RNF144A: variants seen among roughly 807,000 people sequenced by gnomAD.
RNF144A encodes E3 ubiquitin-protein ligase RNF144A.
In RNF144A, 11 loss-of-function variants were observed where a neutral mutation model predicts 38.7. That is an observed-to-expected ratio of 0.28 (90% CI 0.18 to 0.47). The LOEUF (loss-of-function observed/expected upper bound fraction) is 0.47. RNF144A is among the 20% of genes least tolerant of loss of function. RNF144A has a pLI of 0.99. For missense variants in RNF144A, 316 were observed against 377.2 expected (o/e 0.84, Z 1.34); for synonymous variants, 149 against 143.9 (o/e 1.04, Z -0.25).
intron 6 of RNF144A, among the ~76,000 whole-genome samples, chr2:7,051,456 C>T (rs753845136): frequency 2.6e-5 from 4 of 152,132 alleles, no homozygotes; most frequent in African/African-American, 9.7e-5. Context: ...GCCTACGCCA[C>T]GGTAGCTGCA....
chr2:6,971,747 C>T (rs539036535), intron 2 of RNF144A, among the ~76,000 whole-genome samples: 1 of 151,286 alleles, frequency 6.6e-6, no homozygotes, highest in East Asian at 2.0e-4. Context: ...TCCCTGGGCT[C>T]TCACTAGTTC....
At chr2:6,991,073 A>C (rs1003108121) in intron 2 of RNF144A, among the ~76,000 whole-genome samples, 1 of 152,188 alleles carries the variant, frequency 6.6e-6, no homozygotes, top group African/African-American at 2.4e-5. Context: ...TAGTTTACCC[A>C]TTCACCTACT....
intron 2 of RNF144A, among the ~76,000 whole-genome samples, chr2:6,975,579 T>G (rs745702807): frequency 1.7e-4 from 26 of 152,176 alleles, no homozygotes; most frequent in Non-Finnish European, 3.2e-4. Context: ...TCCCAGGACT[T>G]TGGGAGGCTG....
chr2:6,980,578 G>C (rs575229077), intron 2 of RNF144A, among the ~76,000 whole-genome samples: 1 of 152,310 alleles, frequency 6.6e-6, no homozygotes, highest in Admixed American at 6.5e-5. Flanking sequence ...AGGCTCTCAC[G>C]GCCTTGGGCA....
At chr2:6,964,985 A>G (rs1206729746) in intron 2 of RNF144A, among the ~76,000 whole-genome samples, 1 of 150,938 alleles carries the variant, frequency 6.6e-6, no homozygotes, top group African/African-American at 2.5e-5. Context: ...AAAAATAAAA[A>G]AAAGAGGGAG....
At chr2:6,974,382 T>C (rs1270604834) in intron 2 of RNF144A, among the ~76,000 whole-genome samples, 2 of 152,316 alleles carry the variant, frequency 1.3e-5, no homozygotes, top group South Asian at 2.1e-4. Context: ...TGGTGTGATA[T>C]TCAACAAGCT....
rs1349412760 is a variant in RNF144A at position 6,917,923 on chromosome 2, C to A, written c.-212+301C>A. On this transcript the variant is annotated intron_variant, in intron 1 of 8. Coordinates refer to ENST00000320892, the MANE Select transcript of RNF144A (RefSeq NM_014746.6). This position sits in a 1 kb window ranked among gnomAD's most constrained non-coding sequence, Gnocchi z 4.8. Reference sequence around the variant, plus strand: ...GGCGCCCGCGCCCCAGGGCAGTGGGCGCTTAGGGACCTGGCGTCCCCCTGC... The same window carrying A: ...GGCGCCCGCGCCCCAGGGCAGTGGGAGCTTAGGGACCTGGCGTCCCCCTGC... Among the ~76,000 whole-genome samples, 3 of 151,490 alleles carry A rather than the reference C, an allele frequency of 2.0e-5. No homozygotes were observed. The highest frequency in any genetic ancestry group is 6.6e-5 in the Admixed American group (1 of 15,232).
At chr2:6,929,131 T>G (rs1665059181) in intron 1 of RNF144A, among the ~76,000 whole-genome samples, 1 of 152,242 alleles carries the variant, frequency 6.6e-6, no homozygotes, top group South Asian at 2.1e-4. Context: ...ATATGACATG[T>G]TATGTCAACA....
chr2:7,072,765 G>T (rs1674528401), downstream of RNF144A, among the ~76,000 whole-genome samples: 1 of 152,196 alleles, frequency 6.6e-6, no homozygotes, highest in South Asian at 2.1e-4. Context: ...GTGAATGAAT[G>T]CATGAACCAA....
chr2:7,023,724 G>C (rs959975764), intron 6 of RNF144A, among the ~76,000 whole-genome samples: 1 of 152,194 alleles, frequency 6.6e-6, no homozygotes, highest in Non-Finnish European at 1.5e-5. Flanking sequence ...TTGGCACACG[G>C]AATCTTTTCT....
At position 7,040,676 on chromosome 2, in the gene RNF144A, C is replaced by T; in HGVS notation, c.*916C>T. 1.0e-6 allele frequency: 1 copy of T among 985,478 alleles called. No homozygotes were observed. Among genetic ancestry groups the T allele is most frequent in the South Asian group, 4.7e-5 (1 of 21,286 alleles). 61.0% of individuals were successfully genotyped at this position (985,478 alleles called of 1,614,324 possible). On this transcript the variant is annotated 3_prime_UTR_variant, in exon 9 of 9. Coordinates refer to ENST00000320892, the MANE Select transcript of RNF144A (RefSeq NM_014746.6). ...CGAATTGCTGCCGTCTGGCCTCTGG[C>T]CTCAGTCTTCAGATAGACAGTAAGA...
At chr2:6,979,692 T>C (rs1668517457) in intron 2 of RNF144A, among the ~76,000 whole-genome samples, 1 of 152,186 alleles carries the variant, frequency 6.6e-6, no homozygotes, top group Non-Finnish European at 1.5e-5. Context: ...ATGAAAAGAA[T>C]GTGGGGTTCA....
intron 6 of RNF144A, among the ~76,000 whole-genome samples, chr2:7,067,848 C>T (rs759042315): frequency 1.1e-4 from 17 of 152,162 alleles, no homozygotes; most frequent in African/African-American, 1.7e-4. Context: ...AGAACTCCCC[C>T]ACCCTTGATA....
intron 3 of RNF144A, among the ~76,000 whole-genome samples, chr2:7,012,080 A>G (rs1280353965): frequency 6.6e-6 from 1 of 152,188 alleles, no homozygotes; most frequent in Non-Finnish European, 1.5e-5. Context: ...TGATCCGCAC[A>G]ATATCCTGAG....
intron 2 of RNF144A, among the ~76,000 whole-genome samples, chr2:6,959,899 A>T (rs1276856577): frequency 1.3e-5 from 2 of 152,144 alleles, no homozygotes; most frequent in African/African-American, 2.4e-5. Flanking sequence ...ATTCCCCTGG[A>T]TTCCCCGGGA....
chr2:7,021,682 C>T (rs1334476367), intron 6 of RNF144A, among the ~76,000 whole-genome samples: 1 of 152,214 alleles, frequency 6.6e-6, no homozygotes, highest in Non-Finnish European at 1.5e-5. Context: ...CAACCCTGGA[C>T]ATATTGGATT....
chr2:6,998,430 T>C (rs1177317137), intron 3 of RNF144A, among the ~76,000 whole-genome samples: 1 of 152,236 alleles, frequency 6.6e-6, no homozygotes, highest in Admixed American at 6.5e-5. Flanking sequence ...TTTACAAACA[T>C]TTACATCTGT....
At chr2:6,923,193 G>T (rs1664651434) in intron 1 of RNF144A, among the ~76,000 whole-genome samples, 1 of 152,230 alleles carries the variant, frequency 6.6e-6, no homozygotes, top group Non-Finnish European at 1.5e-5. Flanking sequence ...CCCCATTTGG[G>T]TGGTAGGAAG....
In RNF144A at chr2:7,042,922, C is replaced by T; in HGVS notation, c.*3162C>T. ...CGCTTTTGTCCCCCAAGCTGGAGTA[C>T]AATGACAGGATCTCGGCTCACTGCA... On this transcript the variant is annotated 3_prime_UTR_variant, in exon 9 of 9. Transcript: ENST00000320892. The T allele has an allele frequency of 1.1e-6, 1 of 899,676 alleles. No homozygotes were observed. Among genetic ancestry groups the T allele is most frequent in the Non-Finnish European group, 1.3e-6 (1 of 752,068 alleles). 55.7% of individuals were successfully genotyped at this position (899,676 alleles called of 1,614,324 possible). A position where few individuals can be genotyped will look rare whatever the true frequency, so the allele number is the denominator to read the frequency against.
Sources: allele counts gnomAD v4.1 joint callset (sites outside exome capture counted in the v4.1 genomes callset), GRCh38; gene constraint gnomAD v4.1.1; non-coding constraint Gnocchi (gnomAD v3.1); transcripts MANE v1.5; gene names NCBI Gene and HGNC (gene_info 2026-07-23, HGNC 2026-07-21).